FAAH2: variants seen among roughly 807,000 people sequenced by gnomAD.
FAAH2 encodes the protein fatty-acid amide hydrolase 2.
Under a neutral mutation model 36.9 loss-of-function variants are expected in FAAH2, and 60 were observed. The observed-to-expected ratio is 1.63, with a 90% CI of 1.32 to 2.02. The LOEUF (loss-of-function observed/expected upper bound fraction) is 2.02. Among genes scored for constraint, FAAH2 ranks in the 30% most tolerant of loss-of-function variants. The pLI is 0.00. For synonymous variants in FAAH2, 214 were observed against 143.8 expected (o/e 1.49, Z -3.49); for missense variants, 689 against 397.5 (o/e 1.73, Z -6.23).
chrX:57,199,334 T>G, the FAAH2 span, among the ~76,000 whole-genome samples: 1 of 111,728 alleles, frequency 9.0e-6, no homozygotes, highest in Admixed American at 9.5e-5. Flanking sequence ...TCAATTTTTT[T>G]AGTAACCCAC....
chrX:57,279,234 A>C, the FAAH2 span, among the ~76,000 whole-genome samples: 1 of 112,798 alleles, frequency 8.9e-6, no homozygotes, highest in Non-Finnish European at 1.9e-5. Flanking sequence ...TGGATTAAGA[A>C]AATGTGGCAC....
chrX:57,330,182 A>C (rs964562292), intron 3 of FAAH2, among the ~76,000 whole-genome samples: 2 of 112,163 alleles, frequency 1.8e-5, no homozygotes, highest in African/African-American at 3.2e-5. Context: ...GAACAGAGTC[A>C]TATTTCTCTT....
At chrX:57,424,225 G>A (rs756583536) in intron 7 of FAAH2, among the ~76,000 whole-genome samples, 1 of 112,257 alleles carries the variant, frequency 8.9e-6, no homozygotes, top group African/African-American at 3.2e-5. Flanking sequence ...ACCACTGAAG[G>A]ACGTGAGGAC....
In FAAH2 at chrX:57,366,641, G is replaced by A. The variant is rs543223571; in HGVS notation, c.743-12010G>A. Among the ~76,000 whole-genome samples, 5 of 112,431 alleles carry A rather than the reference G, an allele frequency of 4.4e-5. No individual in the cohort carries two copies. In the East Asian group the frequency reaches 8.4e-4, roughly 19 times the overall value. On this transcript the variant is annotated intron_variant, in intron 5 of 10. Coordinates refer to ENST00000374900, the MANE Select transcript of FAAH2 (RefSeq NM_174912.4). ...TGTGGGCAAGCATACACCCACAAGG[G>A]AAGGCTGTGGGTGGTCATGTGCTGC...
At chrX:57,142,578 G>T in the FAAH2 span, among the ~76,000 whole-genome samples, 1 of 111,986 alleles carries the variant, frequency 8.9e-6, no homozygotes, top group East Asian at 2.8e-4. Flanking sequence ...TGTGTATTCT[G>T]CTCCTTTTGG....
chrX:57,211,693 C>T, the FAAH2 span, among the ~76,000 whole-genome samples: 1 of 111,809 alleles, frequency 8.9e-6, no homozygotes, highest in South Asian at 3.7e-4. Flanking sequence ...CTTTGCATGA[C>T]CACTACAGCC....
chrX:57,331,969 A>T (rs1200161800), intron 4 of FAAH2, among the ~76,000 whole-genome samples, 162 bp downstream of exon 4: 2 of 112,198 alleles, frequency 1.8e-5, no homozygotes, highest in Non-Finnish European at 3.8e-5. Context: ...GAGTCATGTA[A>T]CAGCCTTGGT....
intron 7 of FAAH2, among the ~76,000 whole-genome samples, chrX:57,413,113 C>T (rs2055745501): frequency 8.9e-6 from 1 of 111,899 alleles, no homozygotes; most frequent in African/African-American, 3.2e-5. Flanking sequence ...CTTGTAGATT[C>T]TGGATATCAG....
chrX:57,362,980 T>C (rs1238407861), intron 5 of FAAH2, among the ~76,000 whole-genome samples: 1 of 111,907 alleles, frequency 8.9e-6, no homozygotes, highest in Admixed American at 9.5e-5. Flanking sequence ...TACTGCAGCC[T>C]TGTAGTATAA....
intron 7 of FAAH2, among the ~76,000 whole-genome samples, 191 bp from the exon 8 acceptor site, chrX:57,431,727 T>G (rs1006348775): frequency 2.8e-4 from 31 of 110,149 alleles, no homozygotes; most frequent in Non-Finnish European, 5.5e-4. Flanking sequence ...AAAACTACTT[T>G]GCTCTATATA....
At chrX:57,484,781 A>G (rs2147288422) in intron 10 of FAAH2, among the ~76,000 whole-genome samples, 1 of 111,226 alleles carries the variant, frequency 9.0e-6, no homozygotes, top group East Asian at 2.9e-4. Flanking sequence ...CTGGATAGGT[A>G]CTAGCTGTGT....
intron 10 of FAAH2, among the ~76,000 whole-genome samples, chrX:57,485,625 A>AT (rs891269092): frequency 9.0e-6 from 1 of 111,431 alleles, no homozygotes; most frequent in African/African-American, 3.3e-5. Context: ...CTTCTTCATT[A>AT]TTTTTTCTTA....
intron 8 of FAAH2, among the ~76,000 whole-genome samples, chrX:57,433,918 A>G (rs2056355870): frequency 9.0e-6 from 1 of 111,591 alleles, no homozygotes; most frequent in Admixed American, 9.6e-5. Flanking sequence ...GTTGCTCAGA[A>G]ATCAACGTAT....
intron 7 of FAAH2, among the ~76,000 whole-genome samples, chrX:57,402,259 G>A (rs1039539847): frequency 8.9e-6 from 1 of 111,991 alleles, no homozygotes; most frequent in Non-Finnish European, 1.9e-5. Context: ...AAGGGGCATG[G>A]ATGAGGGGGC....
At chrX:57,390,478 A>G (rs993881546) in intron 7 of FAAH2, among the ~76,000 whole-genome samples, 23 of 111,250 alleles carry the variant, frequency 2.1e-4, no homozygotes, top group Non-Finnish European at 3.8e-4. Flanking sequence ...TTCAGCCCTC[A>G]TCTACCTCCC....
chrX:57,394,003 T>C, intron 7 of FAAH2: 3 of 745,717 alleles, frequency 4.0e-6, no homozygotes, highest in Non-Finnish European at 6.4e-6. Flanking sequence ...CATTTACTGA[T>C]GGCACCAAAT....
chrX:57,384,675 A>G (rs1323430889), intron 7 of FAAH2, among the ~76,000 whole-genome samples: 1 of 111,092 alleles, frequency 9.0e-6, no homozygotes, highest in Non-Finnish European at 1.9e-5. Flanking sequence ...TCAGGAAACA[A>G]CAGGTGCTGG....
chrX:57,471,757 G>A (rs1229246268), intron 10 of FAAH2, among the ~76,000 whole-genome samples: 1 of 111,534 alleles, frequency 9.0e-6, no homozygotes, highest in Non-Finnish European at 1.9e-5. Context: ...AAGTTCATAT[G>A]AAACCAAAAA....
At chrX:57,356,339 A>T (rs186162018) in intron 5 of FAAH2, among the ~76,000 whole-genome samples, 169 of 109,628 alleles carry the variant, frequency 1.5e-3, no homozygotes, top group Middle Eastern at 4.7e-3. Flanking sequence ...AGTATTATTT[A>T]AAAAAAAAGT....
Sources: gnomAD v4.1 joint callset for allele counts (sites outside exome capture counted in the v4.1 genomes callset) on GRCh38, gnomAD v4.1.1 for gene constraint, MANE v1.5 for transcripts, NCBI Gene and HGNC (gene_info 2026-07-23, HGNC 2026-07-21) for gene names.